GPR55: variants seen among roughly 807,000 people sequenced by gnomAD.
GPR55 encodes G-protein coupled receptor 55.
Under a neutral mutation model 7.9 loss-of-function variants are expected in GPR55, and 6 were observed. The ratio of observed to expected loss-of-function variants is 0.76; its 90% CI spans 0.41 to 1.49. GPR55 has a LOEUF of 1.49. Ranked by LOEUF, GPR55 falls within the 40% of genes most tolerant of loss-of-function variation. The pLI, the probability that GPR55 is intolerant of heterozygous loss-of-function variation, is 0.01. For synonymous variants in GPR55, 183 were observed against 166.8 expected (o/e 1.10, Z -0.75); for missense variants, 376 against 406.0 (o/e 0.93, Z 0.63).
At chr2:230,913,056 C>T (rs62195324) in intron 1 of GPR55, among the ~76,000 whole-genome samples, 7,566 of 152,242 alleles carry the variant, frequency 0.05, 232 homozygotes, top group South Asian at 0.077. Context: ...TGCTTTTTCG[C>T]TCATCAATGT....
chr2:230,953,752 G>A (rs377749106), intron 1 of GPR55, among the ~76,000 whole-genome samples: 2 of 152,206 alleles, frequency 1.3e-5, no homozygotes, highest in South Asian at 2.1e-4. Flanking sequence ...ATTATAAGGA[G>A]GGCATTAAAG....
chr2:230,926,385 G>A (rs1690941280), upstream of GPR55, among the ~76,000 whole-genome samples: 1 of 152,216 alleles, frequency 6.6e-6, no homozygotes, highest in Non-Finnish European at 1.5e-5. Flanking sequence ...AGGGCACAGG[G>A]CAGTCCTGCC....
chr2:230,923,324 C>T lies in GPR55; in HGVS notation c.-135+1844G>A, dbSNP rs561924591. ...CTGTTATCTGCACAGAGCATTGCAG[C>T]GTGAGCCACCTCAGAGATGGCAGGG... is the stretch of plus-strand genomic sequence containing the variant. On this transcript the variant is annotated intron_variant, in intron 1 of 1. Transcript: ENST00000650999. The surrounding 1 kb of genome is among the most constrained non-coding windows in gnomAD (Gnocchi z 4.1). Among the ~76,000 whole-genome samples, 1 of 152,290 alleles carries T rather than the reference C, an allele frequency of 6.6e-6. No individual in the cohort carries two copies. Among genetic ancestry groups the T allele is most frequent in the East Asian group, 1.9e-4 (1 of 5,180 alleles).
intron 1 of GPR55, among the ~76,000 whole-genome samples, chr2:230,940,367 G>A (rs933335715): frequency 3.3e-5 from 5 of 152,180 alleles, no homozygotes; most frequent in Admixed American, 3.3e-4. Context: ...AAGGCCATCA[G>A]TGGGAGGGGT....
intron 1 of GPR55, among the ~76,000 whole-genome samples, chr2:230,937,907 C>T (rs1221363985): frequency 6.6e-6 from 1 of 152,052 alleles, no homozygotes; most frequent in Non-Finnish European, 1.5e-5. Context: ...GTAATCCTCA[C>T]ATTTTGGGAG....
chr2:230,912,497 T>C (rs1242057616), intron 1 of GPR55, among the ~76,000 whole-genome samples: 1 of 152,240 alleles, frequency 6.6e-6, no homozygotes, highest in Admixed American at 6.5e-5. Flanking sequence ...TGGCACAATC[T>C]TGGCTCACTG....
At chr2:230,949,010 A>C (rs959795436) in intron 1 of GPR55, among the ~76,000 whole-genome samples, 1 of 152,200 alleles carries the variant, frequency 6.6e-6, no homozygotes, top group African/African-American at 2.4e-5. Flanking sequence ...TCAAGGCTGC[A>C]GTGAGCTGGG....
intron 1 of GPR55, among the ~76,000 whole-genome samples, chr2:230,935,655 C>A (rs1283432107): frequency 6.6e-6 from 1 of 152,166 alleles, no homozygotes; most frequent in African/African-American, 2.4e-5. Flanking sequence ...GCCCTGGGCT[C>A]TGGGACTGGG....
At chr2:230,946,938 T>C (rs1691327488) in intron 1 of GPR55, among the ~76,000 whole-genome samples, 1 of 152,202 alleles carries the variant, frequency 6.6e-6, no homozygotes, top group African/African-American at 2.4e-5. Flanking sequence ...AACATCTTAA[T>C]CACATCATAT....
At chr2:230,949,654 GTTAGTATTTCC>G (rs1406982294) in intron 1 of GPR55, among the ~76,000 whole-genome samples, 1 of 151,674 alleles carries the variant, frequency 6.6e-6, no homozygotes, top group African/African-American at 2.4e-5. Context: ...CTGAAATGTT[GTTAGTATTTCC>G]TTTTCCACTG....
chr2:230,939,690 G>A (rs1403097385), intron 1 of GPR55, among the ~76,000 whole-genome samples: 1 of 152,202 alleles, frequency 6.6e-6, no homozygotes, highest in Non-Finnish European at 1.5e-5. Flanking sequence ...TGGAGAAGGG[G>A]GAGAGCCTGG....
intron 1 of GPR55, among the ~76,000 whole-genome samples, chr2:230,920,092 TTG>T (rs61504370): frequency 6.7e-5 from 10 of 149,434 alleles, no homozygotes; most frequent in Non-Finnish European, 7.4e-5. Context: ...TCTCTGTCTT[TTG>T]TGTGTGTGTG....
intron 1 of GPR55, among the ~76,000 whole-genome samples, chr2:230,954,935 C>G (rs946847008): frequency 6.6e-6 from 1 of 152,202 alleles, no homozygotes; most frequent in Non-Finnish European, 1.5e-5. Context: ...TGGAGTGTCC[C>G]AGGAATCCTT....
chr2:230,928,208 G>A (rs1391906241), upstream of GPR55, among the ~76,000 whole-genome samples: 1 of 152,176 alleles, frequency 6.6e-6, no homozygotes, highest in Non-Finnish European at 1.5e-5. Flanking sequence ...CTTGGCACAG[G>A]GGCAGCATGT....
At chr2:230,948,700 A>G (rs1004215017) in intron 1 of GPR55, among the ~76,000 whole-genome samples, 1 of 152,268 alleles carries the variant, frequency 6.6e-6, no homozygotes, top group Admixed American at 6.5e-5. Flanking sequence ...TATTAAATGT[A>G]TATGCCAGCA....
chr2:230,951,639 G>A (rs939064911), intron 1 of GPR55, among the ~76,000 whole-genome samples: 3 of 152,126 alleles, frequency 2.0e-5, no homozygotes, highest in Non-Finnish European at 2.9e-5. Context: ...GCTCCGCTTT[G>A]TACCATTCAC....
At chr2:230,922,979 C>T (rs1047778998) in intron 1 of GPR55, among the ~76,000 whole-genome samples, 1 of 152,240 alleles carries the variant, frequency 6.6e-6, no homozygotes, top group Admixed American at 6.5e-5. Flanking sequence ...GCTGGGATTA[C>T]AGGCGTGAGC....
At chr2:230,943,257 T>C (rs1691261978) in intron 1 of GPR55, among the ~76,000 whole-genome samples, 1 of 152,126 alleles carries the variant, frequency 6.6e-6, no homozygotes. Context: ...CATCCCCTGT[T>C]AGCAGGACAG....
chr2:230,942,388 G>T (rs1290004637), intron 1 of GPR55, among the ~76,000 whole-genome samples: 2 of 152,204 alleles, frequency 1.3e-5, no homozygotes, highest in Admixed American at 6.5e-5. Flanking sequence ...GTCCTCAGGG[G>T]CAGGAGTCCC....
Sources: gnomAD v4.1 joint callset for allele counts (sites outside exome capture counted in the v4.1 genomes callset) on GRCh38, gnomAD v4.1.1 for gene constraint, Gnocchi (gnomAD v3.1) non-coding constraint, MANE v1.5 for transcripts, NCBI Gene and HGNC (gene_info 2026-07-23, HGNC 2026-07-21) for gene names.